Variants in GALNT10 observed in about 807,000 individuals in gnomAD.
GALNT10 encodes the protein polypeptide N-acetylgalactosaminyltransferase 10.
In GALNT10, 41 loss-of-function variants were observed where a neutral mutation model predicts 75.0. The observed-to-expected ratio is 0.55, with a 90% CI of 0.43 to 0.71. The LOEUF (loss-of-function observed/expected upper bound fraction) is 0.71, where lower values mean the gene tolerates loss of function less well. Among genes scored for constraint, GALNT10 ranks in the 30% least tolerant of loss-of-function variants. The probability of loss-of-function intolerance (pLI) is 0.00; values close to 1 mark genes in which losing one functional copy is unlikely to be tolerated. For synonymous variants in GALNT10, 302 were observed against 313.0 expected (o/e 0.96, Z 0.37); for missense variants, 727 against 818.5 (o/e 0.89, Z 1.36).
chr5:154,293,613 A>ATATTTTTTTTTTTTT, intron 1 of GALNT10, among the ~76,000 whole-genome samples: 1 of 109,358 alleles, frequency 9.1e-6, no homozygotes, highest in Admixed American at 7.9e-5. Context: ...ATATATATAT[A>ATATTTTTTTTTTTTT]TTTTTTTTTT....
chr5:154,365,678 C>G (rs1447494879), intron 4 of GALNT10, among the ~76,000 whole-genome samples: 1 of 152,178 alleles, frequency 6.6e-6, no homozygotes, highest in Non-Finnish European at 1.5e-5. Flanking sequence ...CGCAATCTCT[C>G]TAGACATTCC....
chr5:154,351,262 C>G (rs905923573), intron 4 of GALNT10, among the ~76,000 whole-genome samples: 2 of 152,180 alleles, frequency 1.3e-5, no homozygotes, highest in African/African-American at 4.8e-5. Flanking sequence ...AATCTTCTCC[C>G]ACACATCTAG....
intron 4 of GALNT10, among the ~76,000 whole-genome samples, chr5:154,367,514 G>A (rs529017746): frequency 6.6e-6 from 1 of 152,278 alleles, no homozygotes; most frequent in Admixed American, 6.5e-5. Context: ...CCACCCGCTC[G>A]CAGGTTTGCT....
intron 4 of GALNT10, among the ~76,000 whole-genome samples, chr5:154,348,263 G>A (rs1483775690): frequency 5.9e-5 from 9 of 152,166 alleles, no homozygotes; most frequent in African/African-American, 2.2e-4. Context: ...ATGTTTGGGG[G>A]ATTTCATTTT....
intron 3 of GALNT10, among the ~76,000 whole-genome samples, chr5:154,325,303 T>G (rs993227170): frequency 6.6e-6 from 1 of 152,182 alleles, no homozygotes; most frequent in Non-Finnish European, 1.5e-5. Flanking sequence ...ATAATATTGG[T>G]ATTGTTTTCT....
At chr5:154,268,532 T>G (rs1056467726) in intron 1 of GALNT10, among the ~76,000 whole-genome samples, 3 of 152,260 alleles carry the variant, frequency 2.0e-5, no homozygotes, top group African/African-American at 7.2e-5. Context: ...GGATAAACAG[T>G]GTGCACATCT....
intron 3 of GALNT10, among the ~76,000 whole-genome samples, chr5:154,325,458 A>G (rs1322155681): frequency 6.6e-6 from 1 of 152,210 alleles, no homozygotes; most frequent in Non-Finnish European, 1.5e-5. Context: ...TGATGCAAAA[A>G]TTCTCAACAA....
chr5:154,228,359 C>T (rs982440950), intron 1 of GALNT10, among the ~76,000 whole-genome samples: 3 of 152,118 alleles, frequency 2.0e-5, no homozygotes, highest in African/African-American at 7.2e-5. Flanking sequence ...CCTTTTGCAT[C>T]TTTGTCAAAA....
At chr5:154,372,585 TG>T (rs1755589497) in intron 4 of GALNT10, among the ~76,000 whole-genome samples, 2 of 152,164 alleles carry the variant, frequency 1.3e-5, no homozygotes, top group Non-Finnish European at 2.9e-5. Context: ...AGAGTGCCTG[TG>T]ACAGGCAGCA....
At chr5:154,357,182 T>G (rs1755308797) in intron 4 of GALNT10, among the ~76,000 whole-genome samples, 1 of 152,184 alleles carries the variant, frequency 6.6e-6, no homozygotes, top group East Asian at 1.9e-4. Context: ...TAAGGAGGGT[T>G]TGGTGTAAGG....
Position 154,191,023 on chromosome 5 carries a change from C to G in GALNT10, c.157C>G (p.Gln53Glu), listed in dbSNP as rs984202808. The G allele has an allele frequency of 8.4e-6, 12 of 1,432,548 alleles. No homozygotes were observed. Among genetic ancestry groups the G allele is most frequent in the Non-Finnish European group, 9.2e-6 (10 of 1,085,682 alleles). 88.7% of individuals were successfully genotyped at this position (1,432,548 alleles called of 1,614,324 possible). Reference sequence around the variant, plus strand: ...GGCGGCGGTGGCGCCGGCGGCGGGACAGGTGAGTCCCCCCGTTGCTACAGG... The same window carrying G: ...GGCGGCGGTGGCGCCGGCGGCGGGAGAGGTGAGTCCCCCCGTTGCTACAGG... ...SGAAVAPAAG[Q>E]GSHSRQKKTF... Residue 53 changes from glutamine to glutamate, a missense_variant and splice_region_variant, in exon 1 of 12, where the codon CAG becomes GAG. Transcript: ENST00000297107.
chr5:154,280,808 G>T (rs1754029525), intron 1 of GALNT10, among the ~76,000 whole-genome samples: 1 of 152,178 alleles, frequency 6.6e-6, no homozygotes, highest in Non-Finnish European at 1.5e-5. Flanking sequence ...ATCATGTAGG[G>T]TGTGAGGAAG....
chr5:154,329,840 C>T (rs1754818620), intron 4 of GALNT10, 102 bp downstream of exon 4: 8 of 735,952 alleles, frequency 1.1e-5, no homozygotes, highest in Middle Eastern at 3.7e-4. Context: ...AACATATAGG[C>T]CATCATTGGC....
intron 9 of GALNT10, among the ~76,000 whole-genome samples, chr5:154,410,204 C>T (rs1410996775): frequency 6.6e-6 from 1 of 152,102 alleles, no homozygotes; most frequent in African/African-American, 2.4e-5. Flanking sequence ...CACTCTCCAC[C>T]TTCCATTTAC....
At chr5:154,341,602 AAC>A (rs1396838158) in intron 4 of GALNT10, among the ~76,000 whole-genome samples, 3 of 152,186 alleles carry the variant, frequency 2.0e-5, no homozygotes, top group African/African-American at 7.2e-5. Context: ...AACTCAAACT[AAC>A]AATTACTTCC....
chr5:154,318,266 G>A (rs114958911), intron 3 of GALNT10, among the ~76,000 whole-genome samples: 207 of 152,284 alleles, frequency 1.4e-3, no homozygotes, highest in African/African-American at 4.2e-3. Context: ...AGGAAACTGA[G>A]GTCCAGCTGG....
intron 4 of GALNT10, chr5:154,338,097 CA>C: frequency 9.1e-7 from 1 of 1,104,272 alleles, no homozygotes; most frequent in Non-Finnish European, 1.4e-6. Flanking sequence ...TCTTTAATGC[CA>C]CCAGCAAATA....
At chr5:154,347,243 G>T (rs568231632) in intron 4 of GALNT10, 2 of 472,838 alleles carry the variant, frequency 4.2e-6, no homozygotes, top group African/African-American at 4.2e-5. Flanking sequence ...GATTAGGAAG[G>T]TGTAAACTGG....
At chr5:154,328,101 C>G (rs1284552466) in intron 3 of GALNT10, among the ~76,000 whole-genome samples, 1 of 149,932 alleles carries the variant, frequency 6.7e-6, no homozygotes, top group Non-Finnish European at 1.5e-5. Context: ...AAAAGGAGGG[C>G]AGAAGCTTAT....
Sources: gnomAD v4.1 joint callset for allele counts (sites outside exome capture counted in the v4.1 genomes callset) on GRCh38, gnomAD v4.1.1 for gene constraint, MANE v1.5 for transcripts, NCBI Gene and HGNC (gene_info 2026-07-23, HGNC 2026-07-21) for gene names.